Variants in GPC3 observed in about 807,000 individuals in gnomAD.
GPC3 encodes the protein glypican 3, also known as glypican-3.
A neutral mutation model predicts 34.4 loss-of-function variants in GPC3; 3 were observed. The observed-to-expected ratio is 0.09, with a 90% CI of 0.04 to 0.23. The LOEUF (loss-of-function observed/expected upper bound fraction) is 0.23. Among genes scored for constraint, GPC3 ranks in the 10% least tolerant of loss-of-function variants. The pLI, the probability that GPC3 is intolerant of heterozygous loss-of-function variation, is 1.00. For synonymous variants in GPC3, 177 were observed against 174.0 expected (o/e 1.02, Z -0.13); for missense variants, 351 against 445.6 (o/e 0.79, Z 1.91).
chrX:133,781,889 T>A (rs182194367), intron 2 of GPC3, among the ~76,000 whole-genome samples: 3 of 111,961 alleles, frequency 2.7e-5, no homozygotes, highest in Admixed American at 1.9e-4. Flanking sequence ...CTGTCTGGTG[T>A]GAAATCCAAT....
chrX:133,645,382 T>C (rs1201016746), intron 6 of GPC3, among the ~76,000 whole-genome samples: 1 of 111,741 alleles, frequency 8.9e-6, no homozygotes, highest in Admixed American at 9.5e-5. Context: ...GCTTATCATG[T>C]TCTCTTCCTT....
At chrX:133,593,352 AG>A (rs2069873276) in intron 7 of GPC3, among the ~76,000 whole-genome samples, 4 of 97,139 alleles carry the variant, frequency 4.1e-5, no homozygotes, top group Non-Finnish European at 8.3e-5. Context: ...AAAAAAAAAA[AG>A]TAAAAAAAAA....
rs769648090 is a variant in GPC3 at position 133,793,504 on chromosome X, A to G, written c.338-39328T>C. Among the ~76,000 whole-genome samples the G allele has an allele frequency of 8.9e-5, 10 of 111,783 alleles. No individual in the cohort carries two copies. The South Asian group carries it at 3.4e-3, about 38-fold the overall frequency. ...TCTTAGTAAGTGTACTCCAACCCTT[A>G]AAGCGAAACAGATTTTCCTCATATT... On this transcript the variant is annotated intron_variant, in intron 2 of 7. Coordinates refer to ENST00000370818, the MANE Select transcript of GPC3 (RefSeq NM_004484.4).
intron 2 of GPC3, among the ~76,000 whole-genome samples, chrX:133,844,549 T>C (rs2075839272): frequency 8.9e-6 from 1 of 111,856 alleles, no homozygotes; most frequent in African/African-American, 3.3e-5. Flanking sequence ...CCTAGATCAA[T>C]GGGAGACCGA....
intron 2 of GPC3, among the ~76,000 whole-genome samples, chrX:133,796,433 A>G (rs1348396091): frequency 8.9e-6 from 1 of 112,508 alleles, no homozygotes; most frequent in East Asian, 2.8e-4. Context: ...TGGCTACAGT[A>G]ACACTAAGAA....
At chrX:133,810,926 G>A (rs1383983733) in intron 2 of GPC3, among the ~76,000 whole-genome samples, 1 of 108,927 alleles carries the variant, frequency 9.2e-6, no homozygotes, top group Non-Finnish European at 1.9e-5. Context: ...TCAGAACCAG[G>A]CATTACTGGT....
At chrX:133,591,924 TTAGATG>T (rs2069852674) in intron 7 of GPC3, among the ~76,000 whole-genome samples, 1 of 111,443 alleles carries the variant, frequency 9.0e-6, no homozygotes, top group Non-Finnish European at 1.9e-5. Context: ...CTGGGCAACT[TTAGATG>T]ACCACAACTT....
At chrX:133,876,743 G>A (rs2076018878) in intron 2 of GPC3, among the ~76,000 whole-genome samples, 1 of 112,101 alleles carries the variant, frequency 8.9e-6, no homozygotes, top group Admixed American at 9.5e-5. Context: ...TTTGTTTGGG[G>A]ACATGGGGTA....
intron 7 of GPC3, among the ~76,000 whole-genome samples, chrX:133,566,775 A>T (rs1456307755): frequency 9.0e-6 from 1 of 111,453 alleles, no homozygotes; most frequent in African/African-American, 3.3e-5. Context: ...CCTACTTTTC[A>T]TCACCAGATA....
rs191624503 is a variant in GPC3 at position 133,818,707 on chromosome X, G to T, written c.338-64531C>A. ...GTTTAACAAGCCCAATAGAGTGGTA[G>T]GCCATATAAACTCTGAGCAAGTTGT... On this transcript the variant is annotated intron_variant, in intron 2 of 7. Coordinates refer to ENST00000370818, the MANE Select transcript of GPC3 (RefSeq NM_004484.4). 3.6e-4 allele frequency among the ~76,000 whole-genome samples: 40 copies of T among 111,588 alleles called. No individual in the cohort carries two copies. In the East Asian group the frequency reaches 9.3e-3, roughly 26 times the overall value.
chrX:133,579,515 G>A (rs1192425065), intron 7 of GPC3, among the ~76,000 whole-genome samples: 1 of 112,664 alleles, frequency 8.9e-6, no homozygotes, highest in Non-Finnish European at 1.9e-5. Flanking sequence ...ACTGAGGAAG[G>A]AGATGCATCT....
intron 6 of GPC3, among the ~76,000 whole-genome samples, chrX:133,614,454 T>C: frequency 9.3e-6 from 1 of 107,726 alleles, no homozygotes; most frequent in Non-Finnish European, 1.9e-5. Context: ...TGAGATGACA[T>C]TCAAAACACT....
At chrX:133,569,114 A>G (rs976617981) in intron 7 of GPC3, among the ~76,000 whole-genome samples, 1 of 111,709 alleles carries the variant, frequency 9.0e-6, no homozygotes, top group Non-Finnish European at 1.9e-5. Context: ...GCTGCAGCGA[A>G]CCATGATCAC....
intron 6 of GPC3, among the ~76,000 whole-genome samples, chrX:133,619,980 G>A (rs974645554): frequency 4.5e-5 from 5 of 110,012 alleles, no homozygotes; most frequent in Non-Finnish European, 5.7e-5. Flanking sequence ...CAGCACTTTG[G>A]GAGGCTGAGG....
chrX:133,968,642 C>T (rs1000675959), intron 1 of GPC3, among the ~76,000 whole-genome samples: 1 of 111,119 alleles, frequency 9.0e-6, no homozygotes, highest in African/African-American at 3.3e-5. Context: ...AGCACCGCCC[C>T]CATCACAGGT....
intron 3 of GPC3, among the ~76,000 whole-genome samples, chrX:133,746,873 A>G (rs1451032513): frequency 1.8e-5 from 2 of 112,158 alleles, no homozygotes; most frequent in East Asian, 5.6e-4. Context: ...TGACATTCTG[A>G]CACCTGAGAA....
intron 2 of GPC3, among the ~76,000 whole-genome samples, chrX:133,931,279 C>T (rs374730241): frequency 5.4e-5 from 6 of 111,855 alleles, no homozygotes; most frequent in African/African-American, 1.9e-4. Flanking sequence ...GGAGGGTAAC[C>T]TAATCCAGTG....
At chrX:133,974,095 G>A (rs1031924638) in intron 1 of GPC3, among the ~76,000 whole-genome samples, 1 of 111,999 alleles carries the variant, frequency 8.9e-6, no homozygotes, top group Non-Finnish European at 1.9e-5. Context: ...CTGTCACCCA[G>A]GCTGGAGTGC....
At chrX:133,750,520 T>A (rs1238879941) in intron 3 of GPC3, among the ~76,000 whole-genome samples, 1 of 112,263 alleles carries the variant, frequency 8.9e-6, no homozygotes, top group African/African-American at 3.2e-5. Flanking sequence ...CACAGCCCTT[T>A]CAACATTCAC....
Sources: allele counts gnomAD v4.1 joint callset (sites outside exome capture counted in the v4.1 genomes callset), GRCh38; gene constraint gnomAD v4.1.1; transcripts MANE v1.5; gene names NCBI Gene and HGNC (gene_info 2026-07-23, HGNC 2026-07-21).